ACACA: variants seen among roughly 807,000 people sequenced by gnomAD.
ACACA encodes the protein acetyl-CoA carboxylase alpha.
In ACACA, 103 loss-of-function variants were observed where a neutral mutation model predicts 296.1. The observed-to-expected ratio is 0.35, with a 90% CI of 0.30 to 0.41. The LOEUF (loss-of-function observed/expected upper bound fraction) is 0.41, where lower values mean the gene tolerates loss of function less well. Among genes scored for constraint, ACACA ranks in the 10% least tolerant of loss-of-function variants. The pLI, the probability that ACACA is intolerant of heterozygous loss-of-function variation, is 1.00. For missense variants in ACACA, 1,554 were observed against 2,989.7 expected (o/e 0.52, Z 11.20); for synonymous variants, 953 against 1,038.6 (o/e 0.92, Z 1.58).
In ACACA at chr17:37,151,290, G is replaced by GA. The variant is rs1567727011; in HGVS notation, c.5568+10dup. The GA allele has an allele frequency of 6.2e-6, 10 of 1,613,676 alleles. No homozygotes were observed. The Admixed American group carries it at 1.7e-4, about 27-fold the overall frequency. ...AGTTCTTCAAAAATTTCACATTCTG[G>GA]AAAGATTTACCAGGCTGATGGTAAT... On this transcript the variant is annotated intron_variant, in intron 44 of 55. Transcript: ENST00000616317.
In ACACA at chr17:37,207,656, C is replaced by T; in HGVS notation, c.3851+1G>A. 1.2e-6 allele frequency: 2 copies of T among 1,613,904 alleles called. No homozygotes were observed. The highest frequency in any genetic ancestry group is 1.7e-6 in the Non-Finnish European group (2 of 1,179,852). On this transcript the variant is annotated splice_donor_variant, in intron 31 of 55. Coordinates refer to ENST00000616317, the MANE Select transcript of ACACA (RefSeq NM_198834.3). LOFTEE classifies it high-confidence loss of function. Reference sequence around the variant, plus strand: ...ACAGACATAGTTCCACAATGTCTTACCTGACAAAATCTTCAAAAGTCCGAA... The same window carrying T: ...ACAGACATAGTTCCACAATGTCTTATCTGACAAAATCTTCAAAAGTCCGAA...
intron 10 of ACACA, among the ~76,000 whole-genome samples, chr17:37,265,080 T>C (rs1648594138): frequency 6.6e-6 from 1 of 152,196 alleles, no homozygotes; most frequent in South Asian, 2.1e-4. Context: ...TCTTCAGTGA[T>C]GTGTTCCAAG....
rs758351768 is a variant in ACACA, at chr17:37,330,358, G to T, written c.153C>A (p.Asn51Lys). Residue 51 changes from asparagine to lysine, a missense_variant, in exon 3 of 56, where the codon AAC becomes AAA. By Grantham distance (94) the Asn-to-Lys change is moderately conservative. Around this residue, in one of 16 missense-constraint regions of ACACA, gnomAD observed 140 missense variants for 147.7 expected, o/e 0.95. Transcript: ENST00000616317. ...PSPLAQPLEL[N>K]QHSRFIIGSV... ...AACCTATTATGAATCGAGAGTGCTG[G>T]TTCAGCTCCAGAGGTTGGGCCAAGG... The T allele has an allele frequency of 6.8e-6, 11 of 1,614,206 alleles. No individual in the cohort carries two copies. Among genetic ancestry groups the T allele is most frequent in the Non-Finnish European group, 8.5e-6 (10 of 1,180,034 alleles).
intron 1 of ACACA, among the ~76,000 whole-genome samples, chr17:37,356,727 T>C (rs1471605694): frequency 6.6e-6 from 1 of 152,116 alleles, no homozygotes; most frequent in African/African-American, 2.4e-5. Flanking sequence ...TGAGATAACT[T>C]TTTTTTCTGA....
intron 22 of ACACA, among the ~76,000 whole-genome samples, chr17:37,242,549 G>A (rs1272154083): frequency 3.3e-5 from 5 of 151,870 alleles, no homozygotes; most frequent in African/African-American, 7.3e-5. Context: ...GCAACATAAC[G>A]AGACCCCCAT....
At chr17:37,280,364 A>C (rs1463550485) in intron 5 of ACACA, among the ~76,000 whole-genome samples, 1 of 152,010 alleles carries the variant, frequency 6.6e-6, no homozygotes, top group African/African-American at 2.4e-5. Flanking sequence ...ATGCGCCTCT[A>C]TGCCCAGCTA....
intron 2 of ACACA, among the ~76,000 whole-genome samples, chr17:37,338,624 C>CA (rs907238637): frequency 2.6e-5 from 4 of 150,956 alleles, no homozygotes; most frequent in African/African-American, 9.7e-5. Context: ...CAAAAAAAAA[C>CA]AAAAAACCTT....
At chr17:37,303,146 C>G (rs1274775070) in intron 3 of ACACA, among the ~76,000 whole-genome samples, 1 of 152,152 alleles carries the variant, frequency 6.6e-6, no homozygotes, top group African/African-American at 2.4e-5. Context: ...CCAGTAGCAG[C>G]CACTCCTCAT....
In ACACA at chr17:37,404,821, G is replaced by A. The variant is rs111699962; in HGVS notation, c.38+1441C>T. On this transcript the variant is annotated intron_variant, in intron 1 of 55. Transcript: ENST00000616317. ...TCGAACTTCTAACCTCAAGTGATCCGCCTGCCTCGGCCTCCCAAAGTGATG... is the reference window on the plus strand; with the variant it reads ...TCGAACTTCTAACCTCAAGTGATCCACCTGCCTCGGCCTCCCAAAGTGATG... Among the ~76,000 whole-genome samples the A allele has an allele frequency of 3.8e-3, 580 of 151,888 alleles. 2 individuals are homozygous for A. Among genetic ancestry groups the A allele is most frequent in the African/African-American group, 0.013 (542 of 41,448 alleles).
chr17:37,279,644 TA>T (rs34306905), intron 5 of ACACA, among the ~76,000 whole-genome samples: 2,283 of 129,538 alleles, frequency 0.018, 22 homozygotes, highest in East Asian at 0.054. Context: ...AGACTCCGTC[TA>T]AAAAAAAAAA....
chr17:37,252,805 A>G (rs2081055202), intron 15 of ACACA, 81 bp downstream of exon 15: 1 of 1,570,062 alleles, frequency 6.4e-7, no homozygotes, highest in Non-Finnish European at 8.7e-7. Flanking sequence ...AGAATCAAAT[A>G]AATTTCATGT....
chr17:37,266,994 A>G (rs1220747701), intron 10 of ACACA, among the ~76,000 whole-genome samples: 2 of 152,098 alleles, frequency 1.3e-5, no homozygotes, highest in Admixed American at 1.3e-4. Context: ...CTCCTCACCA[A>G]TGTTCAGCCT....
At chr17:37,202,980 T>C (rs1463324996) in intron 33 of ACACA, among the ~76,000 whole-genome samples, 5 of 145,786 alleles carry the variant, frequency 3.4e-5, no homozygotes, top group African/African-American at 1.3e-4. Context: ...TTTTTTTTAA[T>C]TGAGATGGAG....
chr17:37,247,897 T>C, intron 18 of ACACA, 114 bp downstream of exon 18: 1 of 1,323,732 alleles, frequency 7.6e-7, no homozygotes, highest in South Asian at 1.3e-5. Context: ...ATTTTTTTTT[T>C]TTTTAACTAC....
intron 18 of ACACA, among the ~76,000 whole-genome samples, chr17:37,247,214 G>A (rs1451335827): frequency 6.6e-6 from 1 of 151,764 alleles, no homozygotes; most frequent in Non-Finnish European, 1.5e-5. Flanking sequence ...AAAAATAACA[G>A]GTACCACCAT....
intron 5 of ACACA, among the ~76,000 whole-genome samples, chr17:37,280,426 T>G (rs530190070): frequency 6.6e-6 from 1 of 152,250 alleles, no homozygotes; most frequent in South Asian, 2.1e-4. Context: ...AGGCTGACCT[T>G]GAACTCCTGG....
intron 39 of ACACA, among the ~76,000 whole-genome samples, chr17:37,182,601 T>C (rs76566487): frequency 0.016 from 2,401 of 152,338 alleles, 62 homozygotes; most frequent in South Asian, 0.1. Context: ...AGAGGTTGTA[T>C]AACACTAAAC....
In ACACA at chr17:37,086,830, C is replaced by T. The variant is rs927986869; in HGVS notation, c.*486G>A. 3.6e-5 allele frequency: 8 copies of T among 220,614 alleles called. No individual in the cohort carries two copies. Among genetic ancestry groups the T allele is most frequent in the African/African-American group, 9.0e-5 (4 of 44,368 alleles). The allele number at this position is 220,614 out of a possible 1,614,324, so 13.7% of individuals were successfully genotyped here. A position where few individuals can be genotyped will look rare whatever the true frequency, so the allele number is the denominator to read the frequency against. ...GCCTACTGTGTGCTGGGCTAAGAGTCGGGGTAATAAACAATGGACTTGAGG... is the reference window on the plus strand; with the variant it reads ...GCCTACTGTGTGCTGGGCTAAGAGTTGGGGTAATAAACAATGGACTTGAGG... On this transcript the variant is annotated 3_prime_UTR_variant, in exon 56 of 56. Coordinates refer to ENST00000616317, the MANE Select transcript of ACACA (RefSeq NM_198834.3).
chr17:37,099,142 A>G (rs1351729722), intron 52 of ACACA, among the ~76,000 whole-genome samples: 1 of 152,230 alleles, frequency 6.6e-6, no homozygotes, highest in Non-Finnish European at 1.5e-5. Context: ...ATCATATGCC[A>G]TAAAAACAGC....
Sources: gnomAD v4.1 joint callset for allele counts (sites outside exome capture counted in the v4.1 genomes callset) on GRCh38, gnomAD v4.1.1 for gene constraint, gnomAD v4.1.1 regional missense constraint, MANE v1.5 for transcripts, NCBI Gene and HGNC (gene_info 2026-07-23, HGNC 2026-07-21) for gene names.